SGK3: variants seen among roughly 807,000 people sequenced by gnomAD.
SGK3 encodes serum/glucocorticoid regulated kinase family member 3, also known as serine/threonine-protein kinase Sgk3.
SGK3 carries 47 observed loss-of-function variants against 68.5 expected under a neutral mutation model. The observed-to-expected ratio is 0.69, with a 90% CI of 0.54 to 0.87. The LOEUF (loss-of-function observed/expected upper bound fraction) is 0.87. SGK3 is among the 40% of genes least tolerant of loss of function. SGK3 has a pLI of 0.00. For missense variants in SGK3, 479 were observed against 575.5 expected, an observed-to-expected ratio of 0.83 and a Z score of 1.72; for synonymous variants, 181 against 189.1, an observed-to-expected ratio of 0.96 and a Z score of 0.35.
intron 1 of SGK3, among the ~76,000 whole-genome samples, chr8:66,773,586 CAA>C (rs1397816379): frequency 6.6e-6 from 1 of 152,110 alleles, no homozygotes; most frequent in Non-Finnish European, 1.5e-5. Context: ...ACAATTATAA[CAA>C]TATGTCAGCA....
chr8:66,741,627 G>A lies in SGK3; in HGVS notation c.-122+28794G>A, dbSNP rs536985329. The stretch of plus-strand genomic sequence containing the variant: ...CATACCTGTAATCCCAGCAGTTTGG[G>A]AGACCGAAGCAGGCAGATTGCTTGA... On this transcript the variant is annotated intron_variant, in intron 1 of 16. Coordinates refer to ENST00000521198, the MANE Select transcript of SGK3 (RefSeq NM_001033578.3). Among the ~76,000 whole-genome samples, 10 of 152,092 alleles carry A rather than the reference G, an allele frequency of 6.6e-5. No individual in the cohort carries two copies. The South Asian group carries it at 2.1e-3, about 32-fold the overall frequency.
chr8:66,746,823 G>A (rs74651929), intron 1 of SGK3, among the ~76,000 whole-genome samples: 3,580 of 152,004 alleles, frequency 0.024, 82 homozygotes, highest in South Asian at 0.054. Context: ...TGTCTCGAAA[G>A]TTACTGGGAT....
At chr8:66,812,131 C>A (rs968375610) in intron 4 of SGK3, among the ~76,000 whole-genome samples, 13 of 152,122 alleles carry the variant, frequency 8.5e-5, no homozygotes, top group African/African-American at 3.1e-4. Context: ...TACATTATAC[C>A]TTTATTCAGT....
At position 66,748,073 on chromosome 8, in the gene SGK3, T is replaced by A. The variant is rs143124562; in HGVS notation, c.-122+35240T>A. On this transcript the variant is annotated intron_variant, in intron 1 of 16. Transcript: ENST00000521198. ...TTATTGGGATTACATGAGGTAATGC[T>A]TGTAAAGGCCTCAGCACCAGGCTCA... 2.8e-3 allele frequency among the ~76,000 whole-genome samples: 424 copies of A among 152,312 alleles called. 1 individual carries two copies. The highest frequency in any genetic ancestry group is 9.8e-3 in the African/African-American group (408 of 41,570).
chr8:66,807,079 A>G (rs1315597982), intron 4 of SGK3, among the ~76,000 whole-genome samples: 1 of 152,164 alleles, frequency 6.6e-6, no homozygotes, highest in Admixed American at 6.6e-5. Flanking sequence ...GGCATTAGAT[A>G]ATGAGTATGG....
intron 1 of SGK3, among the ~76,000 whole-genome samples, chr8:66,713,563 C>A (rs1804552142): frequency 6.6e-6 from 1 of 152,206 alleles, no homozygotes. Context: ...ACTGTAATTT[C>A]TAAATCTTTT....
At chr8:66,755,181 C>T (rs2130442702) in intron 1 of SGK3, among the ~76,000 whole-genome samples, 1 of 151,496 alleles carries the variant, frequency 6.6e-6, no homozygotes, top group South Asian at 2.1e-4. Flanking sequence ...ATCATCTGAA[C>T]CCAGGAGGCG....
chr8:66,770,816 T>C (rs1806485539), intron 1 of SGK3, among the ~76,000 whole-genome samples: 1 of 152,218 alleles, frequency 6.6e-6, no homozygotes, highest in Non-Finnish European at 1.5e-5. Flanking sequence ...TCTTGTATAC[T>C]GTCTTGTGAA....
intron 1 of SGK3, among the ~76,000 whole-genome samples, chr8:66,773,835 C>T (rs1240690809): frequency 1.3e-5 from 2 of 151,998 alleles, no homozygotes; most frequent in East Asian, 1.9e-4. Context: ...ATTTAAAACT[C>T]GTTTATTTCT....
chr8:66,859,248 G>C (rs1344897259), intron 16 of SGK3, among the ~76,000 whole-genome samples, 163 bp from the exon 17 acceptor site: 1 of 152,120 alleles, frequency 6.6e-6, no homozygotes, highest in Non-Finnish European at 1.5e-5. Flanking sequence ...CAGGAGAATT[G>C]CTTGAACCCA....
rs769885491 is a variant in SGK3 at position 66,725,178 on chromosome 8, G to A, written c.-122+12345G>A. On this transcript the variant is annotated intron_variant, in intron 1 of 16. Coordinates refer to ENST00000521198, the MANE Select transcript of SGK3 (RefSeq NM_001033578.3). ...CAGGAGGCGGAGCTTGCAGTGAGCC[G>A]AGATCGTGACACTGCACTCCAGCCT... Among the ~76,000 whole-genome samples, 14 of 151,958 alleles carry A rather than the reference G, an allele frequency of 9.2e-5. 1 individual carries two copies. Among genetic ancestry groups the A allele is most frequent in the Non-Finnish European group, 1.6e-4 (11 of 68,004 alleles).
At chr8:66,739,588 G>A (rs534093953) in intron 1 of SGK3, among the ~76,000 whole-genome samples, 10 of 152,146 alleles carry the variant, frequency 6.6e-5, no homozygotes, top group South Asian at 4.2e-4. Context: ...TAAAGACGGG[G>A]TTTCACCATG....
chr8:66,736,171 T>C (rs1805309903), intron 1 of SGK3, among the ~76,000 whole-genome samples: 1 of 152,206 alleles, frequency 6.6e-6, no homozygotes, highest in Non-Finnish European at 1.5e-5. Flanking sequence ...GGCATAGTAA[T>C]GTGACATACC....
At chr8:66,733,711 G>T (rs1433163432) in intron 1 of SGK3, among the ~76,000 whole-genome samples, 1 of 150,938 alleles carries the variant, frequency 6.6e-6, no homozygotes, top group East Asian at 1.9e-4. Flanking sequence ...AAATTCTATG[G>T]TTCTATTAAA....
intron 2 of SGK3, among the ~76,000 whole-genome samples, chr8:66,796,321 ATTT>A (rs71249408): frequency 5.3e-4 from 22 of 41,358 alleles, no homozygotes; most frequent in African/African-American, 1.4e-3. Context: ...TATTTTTTGT[ATTT>A]TTTTTTTTTT....
chr8:66,808,513 A>AT (rs35147550), intron 4 of SGK3, among the ~76,000 whole-genome samples: 3,742 of 140,928 alleles, frequency 0.027, 56 homozygotes, highest in Middle Eastern at 0.048. Flanking sequence ...AAATCCTGTA[A>AT]TTTTTTTTTT....
chr8:66,792,011 C>A (rs566840385), intron 1 of SGK3, among the ~76,000 whole-genome samples: 1 of 152,140 alleles, frequency 6.6e-6, no homozygotes, highest in Non-Finnish European at 1.5e-5. Context: ...TCTGTATGTT[C>A]TAACAACTAA....
rs1386070813 is a variant in SGK3, at chr8:66,744,515, A to T, written c.-122+31682A>T. On this transcript the variant is annotated intron_variant, in intron 1 of 16. Transcript: ENST00000521198. ...TATATATATATATATATATATATAT[A>T]TATATTTTTTTTTTTTTTTTTTTTT... is the stretch of plus-strand genomic sequence containing the variant. Among the ~76,000 whole-genome samples the T allele has an allele frequency of 7.8e-3, 175 of 22,378 alleles. 5 individuals are homozygous for T. Among genetic ancestry groups the T allele is most frequent in the African/African-American group, 0.037 (105 of 2,834 alleles). The allele number at this position is 22,378 out of a possible 152,430, so 14.7% of individuals were successfully genotyped here. A position where few individuals can be genotyped will look rare whatever the true frequency, so the allele number is the denominator to read the frequency against.
intron 1 of SGK3, among the ~76,000 whole-genome samples, chr8:66,782,877 C>T (rs1807048259): frequency 6.6e-6 from 1 of 152,100 alleles, no homozygotes; most frequent in Non-Finnish European, 1.5e-5. Context: ...ATCTATTCAC[C>T]TATAGTAGGG....
Sources: allele counts gnomAD v4.1 joint callset (sites outside exome capture counted in the v4.1 genomes callset), GRCh38; gene constraint gnomAD v4.1.1; transcripts MANE v1.5; gene names NCBI Gene and HGNC (gene_info 2026-07-23, HGNC 2026-07-21).